The following FLT1 variants were observed in gnomAD, a reference collection of about 807,000 sequenced individuals.
FLT1 encodes the protein vascular endothelial growth factor receptor 1.
FLT1 carries 49 observed loss-of-function variants against 156.3 expected under a neutral mutation model. That is an observed-to-expected ratio of 0.31 (90% CI 0.25 to 0.40). FLT1 has a LOEUF of 0.40. Among genes scored for constraint, FLT1 ranks in the 10% least tolerant of loss-of-function variants. The probability of loss-of-function intolerance (pLI) is 1.00; values close to 1 mark genes in which losing one functional copy is unlikely to be tolerated. For synonymous variants in FLT1, 594 were observed against 583.8 expected, an observed-to-expected ratio of 1.02 and a Z score of -0.25; for missense variants, 1,322 against 1,637.2, an observed-to-expected ratio of 0.81 and a Z score of 3.32.
At chr13:28,396,286 G>C (rs1875036855) in intron 12 of FLT1, among the ~76,000 whole-genome samples, 1 of 152,182 alleles carries the variant, frequency 6.6e-6, no homozygotes, top group Admixed American at 6.5e-5. Context: ...TACTGCCCAT[G>C]TTTCCTCAGA....
chr13:28,473,843 A>AAAGG (rs1566051038), intron 1 of FLT1, among the ~76,000 whole-genome samples: 1 of 144,694 alleles, frequency 6.9e-6, no homozygotes, highest in African/African-American at 2.7e-5. Context: ...AGAAAGGAAG[A>AAAGG]AAGAAAGAAA....
At chr13:28,396,726 C>G in intron 12 of FLT1, 1 of 636,758 alleles carries the variant, frequency 1.6e-6, no homozygotes, top group Non-Finnish European at 2.9e-6. Context: ...ATAATCCAGT[C>G]TGGGAGGGAG....
chr13:28,390,652 C>G (rs995884442), intron 12 of FLT1, among the ~76,000 whole-genome samples: 179 of 152,264 alleles, frequency 1.2e-3, no homozygotes, highest in African/African-American at 4.0e-3. Flanking sequence ...GCTCCTCGGC[C>G]TCCCAAAGTG....
At chr13:28,444,662 A>G (rs1878512618) in intron 3 of FLT1, among the ~76,000 whole-genome samples, 1 of 152,250 alleles carries the variant, frequency 6.6e-6, no homozygotes, top group African/African-American at 2.4e-5. Context: ...TAGAAATAAT[A>G]CAAAGTATGT....
intron 11 of FLT1, among the ~76,000 whole-genome samples, chr13:28,401,250 G>A (rs774571336): frequency 2.0e-5 from 3 of 152,070 alleles, no homozygotes; most frequent in African/African-American, 4.8e-5. Context: ...TAGTCTTAAA[G>A]GACTCATGCT....
intron 10 of FLT1, among the ~76,000 whole-genome samples, chr13:28,411,639 G>A (rs901821265): frequency 6.6e-6 from 1 of 150,718 alleles, no homozygotes; most frequent in African/African-American, 2.4e-5. Context: ...ATTTTTGTCT[G>A]CATGCTCAGT....
intron 14 of FLT1, among the ~76,000 whole-genome samples, chr13:28,373,980 G>A (rs952006638): frequency 9.4e-4 from 143 of 152,030 alleles, no homozygotes; most frequent in African/African-American, 3.3e-3. Context: ...GTACATTTCC[G>A]TGTGTTGCAA....
chr13:28,372,566 G>GTGTATATATATATATATATATA (rs1555232432), intron 14 of FLT1, among the ~76,000 whole-genome samples: 4 of 91,468 alleles, frequency 4.4e-5, no homozygotes, highest in Non-Finnish European at 6.7e-5. Flanking sequence ...TAAATAAAAT[G>GTGTATATATATATATATATATA]TATATATATA....
chr13:28,489,627 G>T (rs138008176), intron 1 of FLT1, among the ~76,000 whole-genome samples: 31 of 152,294 alleles, frequency 2.0e-4, no homozygotes, highest in African/African-American at 7.5e-4. Context: ...GAGGGAAAAG[G>T]TCTTGCAGGC....
chr13:28,442,176 T>G (rs1878365739), intron 3 of FLT1, among the ~76,000 whole-genome samples: 1 of 152,236 alleles, frequency 6.6e-6, no homozygotes, highest in East Asian at 1.9e-4. Context: ...CATTCAGCCA[T>G]GGACTATTGG....
Position 28,351,577 on chromosome 13 carries a change from T to G in FLT1, c.2248+5977A>C, listed in dbSNP as rs188220873. Reference sequence around the variant, plus strand: ...CAGACCTTTATTACTGTCGATGAAGTTTTTTAGGAATCTATGTACACCAAT... The same window carrying G: ...CAGACCTTTATTACTGTCGATGAAGGTTTTTAGGAATCTATGTACACCAAT... On this transcript the variant is annotated intron_variant, in intron 15 of 29. Coordinates refer to ENST00000282397, the MANE Select transcript of FLT1 (RefSeq NM_002019.4). Among the ~76,000 whole-genome samples, 236 of 152,254 alleles carry G rather than the reference T, an allele frequency of 1.6e-3. 1 individual carries two copies. The highest frequency in any genetic ancestry group is 5.4e-3 in the African/African-American group (225 of 41,550).
intron 4 of FLT1, among the ~76,000 whole-genome samples, chr13:28,435,552 C>G (rs1877978075): frequency 6.6e-6 from 1 of 152,164 alleles, no homozygotes; most frequent in South Asian, 2.1e-4. Flanking sequence ...AAATACCAAA[C>G]AGCCACAAAG....
At chr13:28,352,142 A>G (rs1872752447) in intron 15 of FLT1, among the ~76,000 whole-genome samples, 1 of 152,204 alleles carries the variant, frequency 6.6e-6, no homozygotes, top group Non-Finnish European at 1.5e-5. Flanking sequence ...CATAAAACCT[A>G]TAGAGCAACA....
At chr13:28,360,471 T>C (rs1011083322) in intron 14 of FLT1, among the ~76,000 whole-genome samples, 1 of 152,184 alleles carries the variant, frequency 6.6e-6, no homozygotes, top group Non-Finnish European at 1.5e-5. Flanking sequence ...ATTTTTAAAA[T>C]TTGGTGTATA....
chr13:28,328,818 G>A (rs17086565), intron 19 of FLT1, among the ~76,000 whole-genome samples: 2,218 of 152,296 alleles, frequency 0.015, 52 homozygotes, highest in African/African-American at 0.05. Flanking sequence ...CAGATGCAAA[G>A]TTGAGGCAAA....
At chr13:28,319,297 T>C (rs1179844366) in intron 24 of FLT1, 126 bp downstream of exon 24, 2 of 704,454 alleles carry the variant, frequency 2.8e-6, no homozygotes, top group Middle Eastern at 3.7e-4. Flanking sequence ...CATGGGCCCA[T>C]TACACTTTAA....
At chr13:28,388,918 T>C in intron 13 of FLT1, 1 of 1,057,738 alleles carries the variant, frequency 9.5e-7, no homozygotes, top group Non-Finnish European at 1.1e-6. Flanking sequence ...TCAATAGCTG[T>C]GTGGTGCAGT....
chr13:28,383,913 C>G (rs992810032), intron 14 of FLT1, among the ~76,000 whole-genome samples: 2 of 152,104 alleles, frequency 1.3e-5, no homozygotes. Context: ...ATGCAAATAC[C>G]ATGTCATACC....
chr13:28,434,142 T>A lies in FLT1; in HGVS notation c.592A>T (p.Thr198Ser). 2 of 1,614,120 alleles carry A rather than the reference T, an allele frequency of 1.2e-6. No homozygotes were observed. Among genetic ancestry groups the A allele is most frequent in the Non-Finnish European group, 1.7e-6 (2 of 1,179,978 alleles). The change falls in exon 5 of 30, where the codon ACG becomes TCG. Residue 198 changes from threonine (T) to serine (S), a missense_variant. By Grantham distance (58) the Thr-to-Ser change is moderately conservative. This residue lies in a region of FLT1 where 991 missense variants were observed against 1,254.8 expected (regional missense o/e 0.79). Transcript: ENST00000282397. ...GTCAGAAGCCCTATTTCTTTGTACGTTGCATTTGATATGATGAAGCCCTTT... is the reference window on the plus strand; with the variant it reads ...GTCAGAAGCCCTATTTCTTTGTACGATGCATTTGATATGATGAAGCCCTTT... ...SRKGFIISNA[T>S]YKEIGLLTCE...
Sources: gnomAD v4.1 joint callset for allele counts (sites outside exome capture counted in the v4.1 genomes callset) on GRCh38, gnomAD v4.1.1 for gene constraint, gnomAD v4.1.1 regional missense constraint, MANE v1.5 for transcripts, NCBI Gene and HGNC (gene_info 2026-07-23, HGNC 2026-07-21) for gene names.